Variants in FANCB observed in about 807,000 individuals in gnomAD.
The protein encoded by FANCB is FA complementation group B.
A neutral mutation model predicts 38.9 loss-of-function variants in FANCB; 5 were observed. The observed-to-expected ratio is 0.13, with a 90% CI of 0.07 to 0.27. The LOEUF (loss-of-function observed/expected upper bound fraction) is 0.27. FANCB is among the 10% of genes least tolerant of loss of function. The probability of loss-of-function intolerance (pLI) is 1.00; values close to 1 mark genes in which losing one functional copy is unlikely to be tolerated. For synonymous variants in FANCB, 236 were observed against 215.4 expected, an observed-to-expected ratio of 1.10 and a Z score of -0.84; for missense variants, 573 against 602.7, an observed-to-expected ratio of 0.95 and a Z score of 0.52.
chrX:14,868,203 C>A (rs768286732), intron 2 of FANCB, among the ~76,000 whole-genome samples: 2 of 111,765 alleles, frequency 1.8e-5, no homozygotes, highest in South Asian at 7.4e-4. Flanking sequence ...AATCCCACTA[C>A]TGGGTCTATA....
chrX:14,786,950 C>A, the FANCB span, among the ~76,000 whole-genome samples: 1 of 111,516 alleles, frequency 9.0e-6, no homozygotes, highest in Non-Finnish European at 1.9e-5. Flanking sequence ...TGTCAGAATG[C>A]AAAAACTTTC....
the FANCB span, among the ~76,000 whole-genome samples, chrX:14,716,816 T>C: frequency 9.0e-6 from 1 of 110,928 alleles, no homozygotes; most frequent in Non-Finnish European, 1.9e-5. Flanking sequence ...AAAATGGAAA[T>C]TAATACCTAA....
the FANCB span, among the ~76,000 whole-genome samples, chrX:14,804,706 G>A: frequency 8.9e-6 from 1 of 112,266 alleles, no homozygotes; most frequent in Non-Finnish European, 1.9e-5. Flanking sequence ...TGAAAACTTA[G>A]TACATCTTCT....
At chrX:14,846,705 A>G (rs1022696785) in intron 7 of FANCB, among the ~76,000 whole-genome samples, 5 of 111,012 alleles carry the variant, frequency 4.5e-5, no homozygotes, top group African/African-American at 9.8e-5. Flanking sequence ...TCTAACCATC[A>G]ATTTAGAGGA....
chrX:14,859,934 G>T (rs2092439626), intron 3 of FANCB, among the ~76,000 whole-genome samples: 1 of 111,420 alleles, frequency 9.0e-6, no homozygotes, highest in Non-Finnish European at 1.9e-5. Context: ...CCTGATGTGG[G>T]TGTGGAGGGG....
the FANCB span, among the ~76,000 whole-genome samples, chrX:14,699,853 T>C: frequency 8.9e-6 from 1 of 111,757 alleles, no homozygotes; most frequent in South Asian, 3.8e-4. Context: ...CTGCAGGGCA[T>C]TATCCTCAGC....
At chrX:14,811,524 C>T in the FANCB span, among the ~76,000 whole-genome samples, 2 of 110,588 alleles carry the variant, frequency 1.8e-5, no homozygotes, top group Admixed American at 9.6e-5. Context: ...ATCCTAGTCT[C>T]GGATAAAACA....
chrX:14,827,417 C>CT, the FANCB span, among the ~76,000 whole-genome samples: 52 of 111,834 alleles, frequency 4.6e-4, no homozygotes, highest in Non-Finnish European at 8.1e-4. Flanking sequence ...ATTTAAATGG[C>CT]TTTTTTCATT....
chrX:14,791,311 T>C, the FANCB span, among the ~76,000 whole-genome samples: 1 of 111,338 alleles, frequency 9.0e-6, no homozygotes, highest in Non-Finnish European at 1.9e-5. Flanking sequence ...GATGCACGCA[T>C]GTACACAAGG....
At chrX:14,781,296 G>A in the FANCB span, among the ~76,000 whole-genome samples, 1 of 109,762 alleles carries the variant, frequency 9.1e-6, no homozygotes, top group Non-Finnish European at 1.9e-5. Flanking sequence ...CAAGTGTGGT[G>A]GTGGATGCCT....
intron 5 of FANCB, among the ~76,000 whole-genome samples, chrX:14,855,674 C>T (rs1437412029): frequency 2.7e-5 from 3 of 112,200 alleles, no homozygotes; most frequent in Non-Finnish European, 3.8e-5. Flanking sequence ...TAATTACTCA[C>T]GATGCCTTTT....
At chrX:14,701,007 C>A in the FANCB span, among the ~76,000 whole-genome samples, 9 of 109,493 alleles carry the variant, frequency 8.2e-5, no homozygotes, top group Non-Finnish European at 1.5e-4. Flanking sequence ...AAGGACATGG[C>A]AAGTTTGTGG....
chrX:14,713,974 T>A, the FANCB span, among the ~76,000 whole-genome samples: 3 of 111,528 alleles, frequency 2.7e-5, no homozygotes, highest in Non-Finnish European at 5.7e-5. Flanking sequence ...AGATGACTAC[T>A]GCAATAATTC....
the FANCB span, among the ~76,000 whole-genome samples, chrX:14,760,741 G>T: frequency 9.0e-6 from 1 of 111,571 alleles, no homozygotes; most frequent in Non-Finnish European, 1.9e-5. Context: ...GGCCGAGGTG[G>T]GCAGATCACT....
the FANCB span, among the ~76,000 whole-genome samples, chrX:14,717,345 T>TAAA: frequency 1.1e-5 from 1 of 91,331 alleles, no homozygotes; most frequent in Non-Finnish European, 2.2e-5. Flanking sequence ...CTTAAGAAAG[T>TAAA]AAAAAAAAAA....
chrX:14,807,815 T>C, the FANCB span, among the ~76,000 whole-genome samples: 1 of 111,479 alleles, frequency 9.0e-6, no homozygotes, highest in Non-Finnish European at 1.9e-5. Flanking sequence ...TGAGAAACCT[T>C]TAGCCAGTCT....
chrX:14,844,633 G>A lies in FANCB; in HGVS notation c.2035C>T (p.His679Tyr). The change falls in exon 9 of 10, where the codon CAT becomes TAT. Residue 679 changes from histidine to tyrosine, a missense_variant. By Grantham distance (83) the His-to-Tyr change is moderately conservative. Transcript: ENST00000650831. ...TCTTTGATTATTTCACATTTCATATGTTCTAAGAGCCACACCTTCATTGAA... is the reference window on the plus strand; with the variant it reads ...TCTTTGATTATTTCACATTTCATATATTCTAAGAGCCACACCTTCATTGAA... ...LNSMKVWLLE[H>Y]MKCEIIKEFP... 5 of 1,208,140 alleles carry A rather than the reference G, an allele frequency of 4.1e-6. No homozygotes were observed. The highest frequency in any genetic ancestry group is 5.6e-6 in the Non-Finnish European group (5 of 892,394).
At chrX:14,871,301 G>T (rs2147464680) in intron 1 of FANCB, among the ~76,000 whole-genome samples, 1 of 111,617 alleles carries the variant, frequency 9.0e-6, no homozygotes, top group South Asian at 3.7e-4. Context: ...TGGTGACAGT[G>T]TTAAAGGTGT....
chrX:14,810,554 G>A, the FANCB span, among the ~76,000 whole-genome samples: 11 of 112,114 alleles, frequency 9.8e-5, no homozygotes, highest in South Asian at 3.7e-4. Context: ...TCAACTGGAA[G>A]AAAGGGTATC....
Sources: gnomAD v4.1 joint callset for allele counts (sites outside exome capture counted in the v4.1 genomes callset) on GRCh38, gnomAD v4.1.1 for gene constraint, MANE v1.5 for transcripts, NCBI Gene and HGNC (gene_info 2026-07-23, HGNC 2026-07-21) for gene names.